The following DOCK2 variants were observed in gnomAD, a reference collection of about 807,000 sequenced individuals.
DOCK2 encodes the protein dedicator of cytokinesis 2.
DOCK2 carries 87 observed loss-of-function variants against 248.9 expected under a neutral mutation model. That is an observed-to-expected ratio of 0.35 (90% CI 0.29 to 0.42). The LOEUF is 0.42. Ranked by LOEUF, DOCK2 falls within the 10% of genes least tolerant of loss-of-function variation. The pLI is 1.00. For synonymous variants in DOCK2, 805 were observed against 821.6 expected, an observed-to-expected ratio of 0.98 and a Z score of 0.35; for missense variants, 1,747 against 2,300.2, an observed-to-expected ratio of 0.76 and a Z score of 4.92.
At chr5:169,882,330 C>T (rs949361734) in intron 27 of DOCK2, among the ~76,000 whole-genome samples, 2 of 152,072 alleles carry the variant, frequency 1.3e-5, no homozygotes. Flanking sequence ...CACCTGAAAA[C>T]GAAAACAAAC....
At chr5:169,741,803 A>ATTT (rs33955559) in intron 22 of DOCK2, among the ~76,000 whole-genome samples, 41 of 82,416 alleles carry the variant, frequency 5.0e-4, no homozygotes, top group African/African-American at 9.8e-4. Context: ...ATCTTTTACT[A>ATTT]TTTTTTTTTT....
Position 169,843,383 on chromosome 5 carries a change from G to A in DOCK2, c.2799+2531G>A, listed in dbSNP as rs575438699. Reference sequence around the variant, plus strand: ...CTAAAATACAAAAAATTAGCCAGGTGTGGTGGCAGGTGCCTGTAGTCCCAG... The same window carrying A: ...CTAAAATACAAAAAATTAGCCAGGTATGGTGGCAGGTGCCTGTAGTCCCAG... On this transcript the variant is annotated intron_variant, in intron 27 of 51. Transcript: ENST00000520908. 8.5e-5 allele frequency among the ~76,000 whole-genome samples: 13 copies of A among 152,214 alleles called. No individual in the cohort carries two copies. The South Asian group carries it at 2.7e-3, about 32-fold the overall frequency.
chr5:170,057,503 C>A, intron 43 of DOCK2, 77 bp from the exon 44 acceptor site: 1 of 1,393,290 alleles, frequency 7.2e-7, no homozygotes, highest in Non-Finnish European at 1.0e-6. Flanking sequence ...GGGTTTCTGC[C>A]AAGCTTCTCC....
intron 23 of DOCK2, among the ~76,000 whole-genome samples, chr5:169,759,333 A>G (rs1012627178): frequency 5.3e-5 from 8 of 152,212 alleles, no homozygotes; most frequent in African/African-American, 9.6e-5. Context: ...AATCTTCGCA[A>G]TCCTTCAGAA....
At chr5:170,078,493 A>C (rs909443317) in intron 48 of DOCK2, among the ~76,000 whole-genome samples, 1 of 152,190 alleles carries the variant, frequency 6.6e-6, no homozygotes, top group Non-Finnish European at 1.5e-5. Flanking sequence ...ATACATGAGC[A>C]ACCCAGCACT....
rs1293135433 is a variant in DOCK2, at chr5:169,726,400, A to G, written c.2267+7609A>G. ...TGTTTAAGTTCTTTGTAGATTCTGC[A>G]TATTAGCCCTTTGTCAGATAGGAAG... On this transcript the variant is annotated intron_variant, in intron 22 of 51. Transcript: ENST00000520908. Among the ~76,000 whole-genome samples, 2 of 152,160 alleles carry G rather than the reference A, an allele frequency of 1.3e-5. 1 individual carries two copies. The highest frequency in any genetic ancestry group is 4.1e-4 in the South Asian group (2 of 4,828).
intron 30 of DOCK2, among the ~76,000 whole-genome samples, chr5:169,997,354 C>T (rs1185474376): frequency 6.9e-6 from 1 of 144,750 alleles, no homozygotes; most frequent in East Asian, 2.0e-4. Flanking sequence ...GAGACAGATG[C>T]CTTCCTCTTG....
chr5:169,911,344 CTCCTT>C (rs1774587397), intron 27 of DOCK2, among the ~76,000 whole-genome samples: 1 of 152,104 alleles, frequency 6.6e-6, no homozygotes, highest in Non-Finnish European at 1.5e-5. Context: ...TTAGAGAACT[CTCCTT>C]CACTTCTCTT....
intron 27 of DOCK2, among the ~76,000 whole-genome samples, chr5:169,941,017 C>T (rs1776221561): frequency 6.6e-6 from 1 of 152,168 alleles, no homozygotes; most frequent in African/African-American, 2.4e-5. Flanking sequence ...GAAAAACAGA[C>T]AGAAAGCCTG....
rs145250672 is a variant in DOCK2, at chr5:169,883,222, G to A, written c.2799+42370G>A. 1.0e-5 allele frequency: 16 copies of A among 1,551,634 alleles called. No individual in the cohort carries two copies. In the East Asian group the frequency reaches 3.9e-4, roughly 38 times the overall value. ...GTGTATGGAGTTACTTACTTCAGCT[G>A]ACCTGTCTGGGCTGAGAGCAGACTC... is the stretch of plus-strand genomic sequence containing the variant. On this transcript the variant is annotated intron_variant, in intron 27 of 51. Coordinates refer to ENST00000520908, the MANE Select transcript of DOCK2 (RefSeq NM_004946.3).
intron 26 of DOCK2, among the ~76,000 whole-genome samples, chr5:169,832,090 A>G (rs1183776545): frequency 6.6e-6 from 1 of 152,214 alleles, no homozygotes; most frequent in South Asian, 2.1e-4. Flanking sequence ...CCATCTGTGA[A>G]TGGAACATTC....
At chr5:169,883,263 A>G (rs114508388) in intron 27 of DOCK2, 7 of 1,551,588 alleles carry the variant, frequency 4.5e-6, no homozygotes, top group Non-Finnish European at 6.1e-6. Flanking sequence ...CTTCCCAGGA[A>G]GGACTGTGAT....
chr5:169,886,017 ACT>A (rs140978189), intron 27 of DOCK2, among the ~76,000 whole-genome samples: 3,403 of 152,092 alleles, frequency 0.022, 129 homozygotes, highest in African/African-American at 0.078. Flanking sequence ...TGAAGTTATG[ACT>A]CTGCCCTTTT....
At chr5:169,757,754 TAAG>T (rs1299404053) in intron 23 of DOCK2, among the ~76,000 whole-genome samples, 4 of 151,864 alleles carry the variant, frequency 2.6e-5, no homozygotes, top group Admixed American at 2.6e-4. Context: ...ATACCCAAAA[TAAG>T]AATAGAAAAA....
intron 41 of DOCK2, among the ~76,000 whole-genome samples, chr5:170,051,193 GAGCAT>G (rs1365611831): frequency 6.6e-6 from 1 of 152,064 alleles, no homozygotes; most frequent in Non-Finnish European, 1.5e-5. Flanking sequence ...TGGCAGGAAG[GAGCAT>G]AGCAGGCTCC....
At chr5:169,840,988 CCTGT>C in intron 27 of DOCK2, 136 bp downstream of exon 27, 1 of 968,098 alleles carries the variant, frequency 1.0e-6, no homozygotes, top group East Asian at 2.7e-5. Context: ...CCAGATTTTT[CCTGT>C]CTGAGTTGGG....
intron 27 of DOCK2, among the ~76,000 whole-genome samples, chr5:169,898,634 A>G (rs1000816216): frequency 6.6e-6 from 1 of 152,194 alleles, no homozygotes; most frequent in African/African-American, 2.4e-5. Context: ...TATCTTATCT[A>G]CTATATCAGG....
chr5:169,652,208 G>A (rs1757846278), intron 1 of DOCK2, among the ~76,000 whole-genome samples: 1 of 152,212 alleles, frequency 6.6e-6, no homozygotes, highest in Non-Finnish European at 1.5e-5. Context: ...CCTTCCTCTG[G>A]TGGGCACAGT....
intron 26 of DOCK2, among the ~76,000 whole-genome samples, chr5:169,820,323 T>C (rs1768348189): frequency 1.3e-5 from 2 of 152,152 alleles, no homozygotes; most frequent in African/African-American, 4.8e-5. Flanking sequence ...GACTGCCTCC[T>C]CAAGTGGGTC....
Sources: gnomAD v4.1 joint callset for allele counts (sites outside exome capture counted in the v4.1 genomes callset) on GRCh38, gnomAD v4.1.1 for gene constraint, MANE v1.5 for transcripts, NCBI Gene and HGNC (gene_info 2026-07-23, HGNC 2026-07-21) for gene names.